PAPOLA: variants seen among roughly 807,000 people sequenced by gnomAD.
PAPOLA encodes the protein polynucleotide adenylyltransferase alpha.
A neutral mutation model predicts 100.6 loss-of-function variants in PAPOLA; 15 were observed. The ratio of observed to expected loss-of-function variants is 0.15; its 90% confidence interval spans 0.10 to 0.23. PAPOLA has a LOEUF of 0.23. Among genes scored for constraint, PAPOLA ranks in the 10% least tolerant of loss-of-function variants. PAPOLA has a pLI of 1.00. For missense variants in PAPOLA, 533 were observed against 884.2 expected, an observed-to-expected ratio of 0.60 and a Z score of 5.04; for synonymous variants, 293 against 300.0, an observed-to-expected ratio of 0.98 and a Z score of 0.24.
chr14:96,560,486 A>AT (rs1329231923), intron 19 of PAPOLA, 163 bp from the exon 20 acceptor site: 1 of 570,158 alleles, frequency 1.8e-6, no homozygotes. Context: ...ATTTAATCTG[A>AT]TAAAAACATT....
chr14:96,544,522 T>C (rs1900234890), intron 15 of PAPOLA, among the ~76,000 whole-genome samples: 1 of 152,072 alleles, frequency 6.6e-6, no homozygotes, highest in African/African-American at 2.4e-5. Flanking sequence ...TCTGAAAATA[T>C]GAAATTTGAA....
chr14:96,527,841 C>T (rs1898627313), intron 5 of PAPOLA, 112 bp from the exon 6 acceptor site: 2 of 787,324 alleles, frequency 2.5e-6, no homozygotes, highest in Admixed American at 3.5e-5. Flanking sequence ...GATCGAACAG[C>T]CCAGTCTTAA....
chr14:96,527,772 A>G (rs576037625), intron 5 of PAPOLA, 181 bp from the exon 6 acceptor site: 5 of 633,924 alleles, frequency 7.9e-6, no homozygotes, highest in East Asian at 5.3e-5. Flanking sequence ...TCTGGCCACA[A>G]TCATACATCT....
chr14:96,533,670 T>G, intron 9 of PAPOLA: 1 of 239,510 alleles, frequency 4.2e-6, no homozygotes, highest in Non-Finnish European at 5.4e-6. Flanking sequence ...TTCTCCTGCC[T>G]TAGTCTCCTG....
At chr14:96,519,764 A>G (rs1334167152) in intron 1 of PAPOLA, among the ~76,000 whole-genome samples, 1 of 152,184 alleles carries the variant, frequency 6.6e-6, no homozygotes, top group East Asian at 1.9e-4. Context: ...TCTTTTCAAG[A>G]GGTGAAATTT....
chr14:96,502,502 C>CT lies in PAPOLA; in HGVS notation c.-91_-90insT, dbSNP rs769567073. On this transcript the variant is annotated 5_prime_UTR_variant, in exon 1 of 22. Transcript: ENST00000216277. Reference sequence around the variant, plus strand: ...GGACCCAGGGCTGAGGCAGGCCCCCCCCTCCCTCCCGCCTCAGTGGATCAT... The same window carrying CT: ...GGACCCAGGGCTGAGGCAGGCCCCCCTCCTCCCTCCCGCCTCAGTGGATCAT... 2 of 1,026,562 alleles carry CT rather than the reference C, an allele frequency of 1.9e-6. No homozygotes were observed. The highest frequency in any genetic ancestry group is 3.3e-5 in the African/African-American group (2 of 61,510). The allele number at this position is 1,026,562 out of a possible 1,614,324, so 63.6% of individuals were successfully genotyped here.
intron 1 of PAPOLA, among the ~76,000 whole-genome samples, chr14:96,517,261 T>C (rs1351416069): frequency 6.6e-6 from 1 of 152,216 alleles, no homozygotes; most frequent in Non-Finnish European, 1.5e-5. Context: ...TGTGAAGGAC[T>C]GTAGTTTATT....
intron 6 of PAPOLA, among the ~76,000 whole-genome samples, chr14:96,528,405 G>A (rs1428755717): frequency 2.6e-5 from 4 of 152,172 alleles, no homozygotes; most frequent in African/African-American, 4.8e-5. Context: ...AATATCTTCC[G>A]ATAGGGGAGG....
chr14:96,543,760 A>G (rs1166997610), intron 14 of PAPOLA, among the ~76,000 whole-genome samples: 1 of 152,052 alleles, frequency 6.6e-6, no homozygotes, highest in African/African-American at 2.4e-5. Flanking sequence ...AGAAATATCT[A>G]TTAAGTTCTA....
intron 19 of PAPOLA, among the ~76,000 whole-genome samples, chr14:96,560,137 A>C (rs934071692): frequency 8.5e-5 from 13 of 152,178 alleles, no homozygotes; most frequent in African/African-American, 3.1e-4. Context: ...TTAAGACCCA[A>C]GCAAGGCATT....
intron 3 of PAPOLA, 79 bp from the exon 4 acceptor site, chr14:96,525,231 T>C (rs1898360417): frequency 1.4e-6 from 1 of 697,226 alleles, no homozygotes; most frequent in South Asian, 1.8e-5. Context: ...TTGGATCCAC[T>C]CCCTCACCCC....
intron 16 of PAPOLA, among the ~76,000 whole-genome samples, chr14:96,549,966 A>G (rs920316025): frequency 2.0e-5 from 3 of 152,186 alleles, no homozygotes; most frequent in African/African-American, 7.2e-5. Context: ...CATCCTGGGC[A>G]ACACAGCAAG....
intron 1 of PAPOLA, among the ~76,000 whole-genome samples, chr14:96,512,972 T>C (rs1470723492): frequency 6.6e-6 from 1 of 152,248 alleles, no homozygotes; most frequent in Non-Finnish European, 1.5e-5. Flanking sequence ...TTATTTCTGT[T>C]GTGCTGGAAT....
At chr14:96,526,029 T>G (rs1898444002) in intron 4 of PAPOLA, 1 of 152,154 alleles carries the variant, frequency 6.6e-6, no homozygotes. Context: ...ATAGACAAAT[T>G]ATAAAATATA....
At chr14:96,553,393 C>T (rs1033479745) in intron 17 of PAPOLA, 1 of 152,102 alleles carries the variant, frequency 6.6e-6, no homozygotes, top group Non-Finnish European at 1.5e-5. Context: ...CACCTGTAGT[C>T]GTGGCCACTC....
At chr14:96,552,738 A>C (rs1473098453) in intron 17 of PAPOLA, 116 bp downstream of exon 17, 8 of 981,076 alleles carry the variant, frequency 8.2e-6, no homozygotes, top group Non-Finnish European at 1.0e-5. Flanking sequence ...CCATCTACTA[A>C]TTTTTTTTTA....
intron 1 of PAPOLA, among the ~76,000 whole-genome samples, chr14:96,519,547 A>C (rs1897769266): frequency 6.6e-6 from 1 of 152,184 alleles, no homozygotes; most frequent in Non-Finnish European, 1.5e-5. Context: ...GATCATTAAC[A>C]AGCTTAAGGT....
intron 9 of PAPOLA, chr14:96,533,544 T>A (rs1202341131): frequency 1.1e-6 from 1 of 897,800 alleles, no homozygotes. Flanking sequence ...ATGTCAGAAT[T>A]TCTTTTTTTT....
intron 10 of PAPOLA, chr14:96,534,774 T>C: frequency 7.6e-7 from 1 of 1,319,576 alleles, no homozygotes; most frequent in Non-Finnish European, 9.7e-7. Flanking sequence ...CATTTAATTG[T>C]ACATAGTTTT....
Sources: gnomAD v4.1 joint callset for allele counts (sites outside exome capture counted in the v4.1 genomes callset) on GRCh38, gnomAD v4.1.1 for gene constraint, MANE v1.5 for transcripts, NCBI Gene and HGNC (gene_info 2026-07-23, HGNC 2026-07-21) for gene names.